Variants in LUZP2 observed in about 807,000 individuals in gnomAD.
The protein encoded by LUZP2 is leucine zipper protein 2.
Under a neutral mutation model 51.6 loss-of-function variants are expected in LUZP2, and 52 were observed. That is an observed-to-expected ratio of 1.01 (90% CI 0.81 to 1.27). The LOEUF is 1.27. Ranked by LOEUF, LUZP2 falls within the 50% of genes most tolerant of loss-of-function variation. The pLI is 0.00. For missense variants in LUZP2, 436 were observed against 395.4 expected (o/e 1.10, Z -0.87); for synonymous variants, 154 against 137.3 (o/e 1.12, Z -0.85).
chr11:25,046,955 GA>G (rs1858332204), intron 9 of LUZP2, among the ~76,000 whole-genome samples: 4 of 152,090 alleles, frequency 2.6e-5, no homozygotes, highest in Admixed American at 1.3e-4. Context: ...AATAAAAGTA[GA>G]TTTTCTAGAA....
chr11:24,763,170 A>G (rs1590473047), intron 4 of LUZP2, 76 bp from the exon 5 acceptor site: 1 of 686,966 alleles, frequency 1.5e-6, no homozygotes, highest in African/African-American at 1.9e-5. Context: ...ATTATTTCTC[A>G]AAATAATGAA....
chr11:24,925,172 T>A (rs1384951382), intron 7 of LUZP2, among the ~76,000 whole-genome samples: 1 of 152,236 alleles, frequency 6.6e-6, no homozygotes, highest in East Asian at 1.9e-4. Context: ...GTATCTCTTA[T>A]TGCTACAAAG....
At chr11:24,619,613 G>A (rs1320294815) in intron 1 of LUZP2, among the ~76,000 whole-genome samples, 1 of 152,052 alleles carries the variant, frequency 6.6e-6, no homozygotes, top group African/African-American at 2.4e-5. Flanking sequence ...TTATCCCTCA[G>A]TATTTATGTG....
chr11:24,964,893 C>T (rs1855536509), intron 7 of LUZP2, among the ~76,000 whole-genome samples: 1 of 151,612 alleles, frequency 6.6e-6, no homozygotes, highest in Admixed American at 6.6e-5. Flanking sequence ...AAGGAAATGC[C>T]TGATATTCAT....
At chr11:25,050,459 C>T (rs1391974035) in intron 10 of LUZP2, among the ~76,000 whole-genome samples, 1 of 151,788 alleles carries the variant, frequency 6.6e-6, no homozygotes, top group Admixed American at 6.6e-5. Context: ...CGCCCGCCAC[C>T]GCGCTCGGCT....
At chr11:25,030,217 G>T (rs535922146) in intron 9 of LUZP2, among the ~76,000 whole-genome samples, 1 of 151,928 alleles carries the variant, frequency 6.6e-6, no homozygotes, top group Admixed American at 6.6e-5. Flanking sequence ...CTAATTTTTG[G>T]AACTCACATT....
intron 10 of LUZP2, among the ~76,000 whole-genome samples, chr11:25,074,209 C>T (rs915039518): frequency 6.6e-6 from 1 of 152,100 alleles, no homozygotes; most frequent in Non-Finnish European, 1.5e-5. Context: ...CTTTGTGCCT[C>T]ATCATATTGA....
chr11:24,525,304 T>G (rs1290978145), intron 1 of LUZP2, among the ~76,000 whole-genome samples: 1 of 151,698 alleles, frequency 6.6e-6, no homozygotes, highest in Admixed American at 6.6e-5. Flanking sequence ...CACATTTTGT[T>G]TACAAAGGTA....
At chr11:24,803,450 G>A (rs559759164) in intron 5 of LUZP2, among the ~76,000 whole-genome samples, 2 of 152,074 alleles carry the variant, frequency 1.3e-5, no homozygotes, top group Non-Finnish European at 2.9e-5. Flanking sequence ...TACAGCTGCT[G>A]TGGAAAATAT....
At chr11:24,999,740 A>T (rs1856623731) in intron 9 of LUZP2, among the ~76,000 whole-genome samples, 1 of 152,134 alleles carries the variant, frequency 6.6e-6, no homozygotes, top group Non-Finnish European at 1.5e-5. Context: ...ATTGTTTTAA[A>T]CTCACAACCT....
At chr11:24,816,358 C>A (rs1011395589) in intron 5 of LUZP2, among the ~76,000 whole-genome samples, 4 of 151,780 alleles carry the variant, frequency 2.6e-5, no homozygotes, top group African/African-American at 9.7e-5. Context: ...TATAGCAATG[C>A]ATGATAAATT....
chr11:24,600,405 C>T (rs1853587418), intron 1 of LUZP2, among the ~76,000 whole-genome samples: 1 of 152,158 alleles, frequency 6.6e-6, no homozygotes, highest in African/African-American at 2.4e-5. Flanking sequence ...TGAGAGAATA[C>T]ATTTCTGTTG....
intron 1 of LUZP2, among the ~76,000 whole-genome samples, chr11:24,540,725 A>G (rs1009292236): frequency 6.6e-6 from 1 of 152,116 alleles, no homozygotes; most frequent in Non-Finnish European, 1.5e-5. Context: ...AAGATGGAAC[A>G]TGGGGGAGGA....
At position 24,606,966 on chromosome 11, in the gene LUZP2, G is replaced by T. The variant is rs372267620; in HGVS notation, c.62+109661G>T. Among the ~76,000 whole-genome samples the T allele has an allele frequency of 3.4e-4, 51 of 151,968 alleles. No individual in the cohort carries two copies. In the East Asian group the frequency reaches 3.7e-3, roughly 11 times the overall value. ...TTTCCTACGAAAAATTTGAGTTCAG[G>T]TCCTTTAATCATTCTTTACTTGGTT... is the stretch of plus-strand genomic sequence containing the variant. On this transcript the variant is annotated intron_variant, in intron 1 of 11. Coordinates refer to ENST00000336930, the MANE Select transcript of LUZP2 (RefSeq NM_001009909.4).
In LUZP2 at chr11:24,538,668, G is replaced by GTA. The variant is rs67113520; in HGVS notation, c.62+41376_62+41377dup. Among the ~76,000 whole-genome samples, 662 of 133,314 alleles carry GTA rather than the reference G, an allele frequency of 5.0e-3. 2 individuals carry two copies. Among genetic ancestry groups the GTA allele is most frequent in the South Asian group, 0.02 (90 of 4,428 alleles). 87.5% of individuals were successfully genotyped at this position (133,314 alleles called of 152,430 possible). Reference sequence around the variant, plus strand: ...GTTTTTTATATGTGTGTGTGTGTGTGTATATATATATATAAAACTTTCAAA... The same window carrying GTA: ...GTTTTTTATATGTGTGTGTGTGTGTGTATATATATATATATAAAACTTTCAAA... On this transcript the variant is annotated intron_variant, in intron 1 of 11. Transcript: ENST00000336930.
chr11:24,619,629 G>C (rs573138925), intron 1 of LUZP2, among the ~76,000 whole-genome samples: 1 of 152,168 alleles, frequency 6.6e-6, no homozygotes, highest in African/African-American at 2.4e-5. Flanking sequence ...ATGTGTGATT[G>C]GTTCCAGTAC....
intron 5 of LUZP2, among the ~76,000 whole-genome samples, chr11:24,828,030 A>AAC (rs10589505): frequency 2.7e-4 from 40 of 150,922 alleles, no homozygotes; most frequent in Non-Finnish European, 3.8e-4. Flanking sequence ...CTTTAGGAGA[A>AAC]ACACACACAC....
chr11:24,740,017 A>G (rs1277463084), intron 4 of LUZP2, among the ~76,000 whole-genome samples: 1 of 152,074 alleles, frequency 6.6e-6, no homozygotes, highest in Non-Finnish European at 1.5e-5. Flanking sequence ...TAGCTTACTG[A>G]ATGGTCCTAA....
At chr11:24,624,138 G>T (rs1854601790) in intron 1 of LUZP2, among the ~76,000 whole-genome samples, 1 of 152,006 alleles carries the variant, frequency 6.6e-6, no homozygotes, top group Non-Finnish European at 1.5e-5. Context: ...AGATAAATAA[G>T]AAGAATTTTC....
Sources: gnomAD v4.1 joint callset for allele counts (sites outside exome capture counted in the v4.1 genomes callset) on GRCh38, gnomAD v4.1.1 for gene constraint, MANE v1.5 for transcripts, NCBI Gene and HGNC (gene_info 2026-07-23, HGNC 2026-07-21) for gene names.